The following NT5C1B variants were observed in gnomAD, a reference collection of about 807,000 sequenced individuals.
NT5C1B encodes cytosolic 5'-nucleotidase 1B.
Under a neutral mutation model 57.8 loss-of-function variants are expected in NT5C1B, and 44 were observed. That is an observed-to-expected ratio of 0.76 (90% CI 0.60 to 0.98). NT5C1B has a LOEUF of 0.98. Ranked by LOEUF, NT5C1B falls within the 50% of genes least tolerant of loss-of-function variation. The probability of loss-of-function intolerance (pLI) is 0.00; values close to 1 mark genes in which losing one functional copy is unlikely to be tolerated. For missense variants in NT5C1B, 742 were observed against 719.5 expected (o/e 1.03, Z -0.36); for synonymous variants, 284 against 282.6 (o/e 1.00, Z -0.05).
intron 2 of NT5C1B, chr2:18,586,821 T>TCTC (rs1666754341): frequency 1.6e-6 from 2 of 1,252,076 alleles, no homozygotes; most frequent in Non-Finnish European, 2.2e-6. Context: ...GCAGGGGGAC[T>TCTC]CTAAGGCAGC....
chr2:18,566,355 G>A (rs1385021513), intron 8 of NT5C1B, among the ~76,000 whole-genome samples: 4 of 152,088 alleles, frequency 2.6e-5, no homozygotes, highest in African/African-American at 9.7e-5. Context: ...ACAGTTTTCT[G>A]TAAACATGAC....
At chr2:18,566,717 C>T (rs60413138) in intron 8 of NT5C1B, among the ~76,000 whole-genome samples, 129 of 152,204 alleles carry the variant, frequency 8.5e-4, no homozygotes, top group African/African-American at 2.9e-3. Flanking sequence ...CACAGTAGTA[C>T]AGCATATAAT....
Position 18,576,379 on chromosome 2 carries a change from A to G in NT5C1B, c.1145-11T>C, listed in dbSNP as rs745512483. The G allele has an allele frequency of 1.2e-5, 19 of 1,607,386 alleles. No homozygotes were observed. The East Asian group carries it at 4.0e-4, about 34-fold the overall frequency. ...TCGCAGAGGCAATACCTGATAGATCATGGAGACTGATTAATACTCTTCTCA... is the reference window on the plus strand; with the variant it reads ...TCGCAGAGGCAATACCTGATAGATCGTGGAGACTGATTAATACTCTTCTCA... On this transcript the variant is annotated splice_polypyrimidine_tract_variant and intron_variant, in intron 7 of 8. Transcript: ENST00000304081.
In NT5C1B at chr2:18,584,410, G is replaced by C. The variant is rs1229604992; in HGVS notation, c.723+104C>G. The C allele has an allele frequency of 9.2e-6, 14 of 1,524,762 alleles. No homozygotes were observed. Among genetic ancestry groups the C allele is most frequent in the South Asian group, 1.2e-5 (1 of 80,268 alleles). The allele number at this position is 1,524,762 out of a possible 1,614,324, so 94.5% of individuals were successfully genotyped here. On this transcript the variant is annotated intron_variant, in intron 4 of 8. Coordinates refer to ENST00000304081, the Ensembl canonical transcript of NT5C1B. This position sits in a 1 kb window ranked among gnomAD's most constrained non-coding sequence, Gnocchi z 5.8. ...TGAGGCTGGGACTCCCCGAAGTTTG[G>C]GGAGGAGAAGCGGGAGGACCTCCCT...
intron 2 of NT5C1B, chr2:18,586,981 G>T: frequency 6.2e-7 from 1 of 1,614,096 alleles, no homozygotes; most frequent in South Asian, 1.1e-5. Flanking sequence ...TCGGTAGTGT[G>T]ATCTCTGCTC....
At chr2:18,587,787 T>TAA (rs1553332183) in intron 1 of NT5C1B, among the ~76,000 whole-genome samples, 195 bp from the exon 2 acceptor site, 4 of 152,226 alleles carry the variant, frequency 2.6e-5, no homozygotes, top group Non-Finnish European at 5.9e-5. Flanking sequence ...TTAAAAAGAA[T>TAA]TATATAAACA....
exon 3 of NT5C1B, chr2:18,586,351 C>A: frequency 6.2e-7 from 1 of 1,614,084 alleles, no homozygotes; most frequent in Non-Finnish European, 8.5e-7. Context: ...CACAAGGTAC[C>A]CTCGAGAGTC....
chr2:18,585,222 T>C lies in NT5C1B; in HGVS notation c.259-244A>G, dbSNP rs963181484. 2.1e-5 allele frequency: 16 copies of C among 761,448 alleles called. No individual in the cohort carries two copies. In the African/African-American group the frequency reaches 2.4e-4, roughly 11 times the overall value. 47.2% of individuals were successfully genotyped at this position (761,448 alleles called of 1,614,324 possible). On this transcript the variant is annotated intron_variant, in intron 3 of 8. Transcript: ENST00000304081. ...CTTCCCCATAAGCATTTCACACGTT[T>C]TTATTTGTTTGGAGTAGATAGGACC...
At chr2:18,568,837 C>T (rs373211647) in intron 8 of NT5C1B, among the ~76,000 whole-genome samples, 64 of 152,236 alleles carry the variant, frequency 4.2e-4, no homozygotes, top group East Asian at 2.1e-3. Flanking sequence ...CTTTCCAGAC[C>T]GAACCAATGT....
chr2:18,584,712 A>G lies in NT5C1B; in HGVS notation c.525T>C (p.Tyr175=). ...TCCACTCGGTGGGGGACGTGCGCGA[A>G]TATTCCAGCGGCTGCGAGTCCCGGG... is the stretch of plus-strand genomic sequence containing the variant. Residue 175 remains tyrosine, a synonymous_variant, in exon 4 of 9, where the codon TAT becomes TAC. Coordinates refer to ENST00000304081, the Ensembl canonical transcript of NT5C1B. This position sits in a 1 kb window ranked among gnomAD's most constrained non-coding sequence, Gnocchi z 5.8. 1 of 1,612,818 alleles carries G rather than the reference A, an allele frequency of 6.2e-7. No homozygotes were observed.
At chr2:18,564,193 T>C in intron 8 of NT5C1B, 74 bp from the exon 9 acceptor site, 1 of 1,468,040 alleles carries the variant, frequency 6.8e-7, no homozygotes, top group Middle Eastern at 2.5e-4. Flanking sequence ...CAGAGACCTA[T>C]ATGATACGAT....
chr2:18,578,563 T>C (rs542948790), intron 6 of NT5C1B, among the ~76,000 whole-genome samples: 1 of 152,074 alleles, frequency 6.6e-6, no homozygotes, highest in African/African-American at 2.4e-5. Context: ...TATATGATAA[T>C]CTCAATAGAT....
At chr2:18,586,123 T>A in intron 3 of NT5C1B, 131 bp downstream of exon 3, 1 of 1,378,368 alleles carries the variant, frequency 7.3e-7, no homozygotes. Flanking sequence ...CAGAAGGGAG[T>A]TCTCCCAAGG....
chr2:18,586,129 C>T, intron 3 of NT5C1B, 125 bp downstream of exon 3: 1 of 1,424,856 alleles, frequency 7.0e-7, no homozygotes, highest in African/African-American at 1.4e-5. Flanking sequence ...GGAGTTCTCC[C>T]AAGGGCTAAA....
At chr2:18,587,939 G>T (rs1406668103) in intron 1 of NT5C1B, among the ~76,000 whole-genome samples, 15 of 152,080 alleles carry the variant, frequency 9.9e-5, no homozygotes, top group Admixed American at 9.8e-4. Context: ...TTACTCTGAA[G>T]ATTGCTACTT....
chr2:18,583,338 A>T (rs919799866), intron 5 of NT5C1B: 2 of 182,970 alleles, frequency 1.1e-5, no homozygotes, highest in East Asian at 1.5e-4. Flanking sequence ...GCTTTTATCG[A>T]TCATCTAATG....
chr2:18,565,061 CTT>C (rs1254054846), intron 8 of NT5C1B, among the ~76,000 whole-genome samples: 3 of 152,090 alleles, frequency 2.0e-5, no homozygotes, highest in African/African-American at 7.2e-5. Flanking sequence ...CATTTATTTA[CTT>C]TTCCTTGGTG....
chr2:18,588,175 CAGAT>C (rs1666896331), intron 1 of NT5C1B, among the ~76,000 whole-genome samples: 1 of 152,094 alleles, frequency 6.6e-6, no homozygotes, highest in Non-Finnish European at 1.5e-5. Flanking sequence ...AAATTAACAA[CAGAT>C]AGGGAAAACC....
intron 8 of NT5C1B, among the ~76,000 whole-genome samples, chr2:18,575,045 T>C (rs1346753364): frequency 6.6e-6 from 1 of 151,936 alleles, no homozygotes; most frequent in Non-Finnish European, 1.5e-5. Context: ...CTAAAAGAAA[T>C]TTAGATTATT....
Sources: gnomAD v4.1 joint callset for allele counts (sites outside exome capture counted in the v4.1 genomes callset) on GRCh38, gnomAD v4.1.1 for gene constraint, Gnocchi (gnomAD v3.1) non-coding constraint, MANE v1.5 for transcripts, NCBI Gene and HGNC (gene_info 2026-07-23, HGNC 2026-07-21) for gene names.